Variants in HAUS6 observed in about 807,000 individuals in gnomAD.
HAUS6 encodes the protein HAUS augmin-like complex subunit 6.
In HAUS6, 80 loss-of-function variants were observed where a neutral mutation model predicts 106.8. The observed-to-expected ratio is 0.75, with a 90% CI of 0.63 to 0.90. The LOEUF (loss-of-function observed/expected upper bound fraction) is 0.90, where lower values mean the gene tolerates loss of function less well. Ranked by LOEUF, HAUS6 falls within the 40% of genes least tolerant of loss-of-function variation. The pLI is 0.00. For synonymous variants in HAUS6, 356 were observed against 379.1 expected, an observed-to-expected ratio of 0.94 and a Z score of 0.71; for missense variants, 1,155 against 1,118.1, an observed-to-expected ratio of 1.03 and a Z score of -0.47.
At chr9:19,059,123 C>G (rs1836548200) in intron 15 of HAUS6, 122 bp from the exon 16 acceptor site, 1 of 627,604 alleles carries the variant, frequency 1.6e-6, no homozygotes, top group Non-Finnish European at 2.8e-6. Context: ...CATAAATATA[C>G]TGGTTGGATG....
chr9:19,094,283 A>T (rs191637095), intron 3 of HAUS6, 34 bp downstream of exon 3: 4 of 1,270,032 alleles, frequency 3.1e-6, no homozygotes, highest in Non-Finnish European at 4.5e-6. Flanking sequence ...TTAACTTCTT[A>T]AAGTCTGTAT....
chr9:19,055,139 A>AC lies in HAUS6; in HGVS notation c.*1203dup, dbSNP rs1334627059. On this transcript the variant is annotated 3_prime_UTR_variant, in exon 17 of 17. Coordinates refer to ENST00000380502, the MANE Select transcript of HAUS6 (RefSeq NM_017645.5). ...AAGGCAGCCCAAGATAAAAGAAATA[A>AC]CTATTAAGCCATCTACTTCCATAAA... The AC allele has an allele frequency of 2.0e-5, 3 of 152,212 alleles. No individual in the cohort carries two copies. The highest frequency in any genetic ancestry group is 2.0e-4 in the Admixed American group (3 of 15,284). The allele number at this position is 152,212 out of a possible 1,614,324, so 9.4% of individuals were successfully genotyped here. A position where few individuals can be genotyped will look rare whatever the true frequency, so the allele number is the denominator to read the frequency against.
rs113341977 is a variant in HAUS6 at position 19,089,393 on chromosome 9, C to T, written c.584+19G>A. ...TCAAAAGAAAGAAATTATTTTCTAA[C>T]TATCAAGGTACTACTTACTGTGCAT... On this transcript the variant is annotated intron_variant, in intron 5 of 16. Coordinates refer to ENST00000380502, the MANE Select transcript of HAUS6 (RefSeq NM_017645.5). 9 of 1,513,238 alleles carry T rather than the reference C, an allele frequency of 5.9e-6. No homozygotes were observed. Among genetic ancestry groups the T allele is most frequent in the African/African-American group, 5.5e-5 (4 of 73,050 alleles). 93.7% of individuals were successfully genotyped at this position (1,513,238 alleles called of 1,614,324 possible). A position where few individuals can be genotyped will look rare whatever the true frequency, so the allele number is the denominator to read the frequency against.
chr9:19,096,003 G>C (rs892948015), intron 2 of HAUS6, among the ~76,000 whole-genome samples: 6 of 151,956 alleles, frequency 3.9e-5, no homozygotes, highest in Non-Finnish European at 8.8e-5. Context: ...ACAGAGTACC[G>C]AGCAAAAAAA....
At chr9:19,097,635 T>C (rs567051332) in intron 1 of HAUS6, among the ~76,000 whole-genome samples, 6 of 152,268 alleles carry the variant, frequency 3.9e-5, no homozygotes, top group Admixed American at 2.0e-4. Context: ...AAGCACTGAT[T>C]TGAAATATGT....
At chr9:19,083,473 G>A (rs1040560033) in intron 7 of HAUS6, among the ~76,000 whole-genome samples, 6 of 152,020 alleles carry the variant, frequency 3.9e-5, no homozygotes, top group Middle Eastern at 6.8e-3. Flanking sequence ...GTAATTAATC[G>A]AATGAAGATC....
chr9:19,071,463 T>A (rs1836880012), intron 11 of HAUS6, among the ~76,000 whole-genome samples: 5 of 152,030 alleles, frequency 3.3e-5, no homozygotes, highest in Admixed American at 3.3e-4. Context: ...ACTGAAGATA[T>A]GAGCTTTCAG....
At chr9:19,068,505 A>C (rs560843823) in intron 12 of HAUS6, among the ~76,000 whole-genome samples, 1 of 152,364 alleles carries the variant, frequency 6.6e-6, no homozygotes, top group South Asian at 2.1e-4. Context: ...CTGCAGAACC[A>C]ATTACCAATA....
At chr9:19,068,925 G>C (rs1214410063) in intron 12 of HAUS6, among the ~76,000 whole-genome samples, 1 of 152,042 alleles carries the variant, frequency 6.6e-6, no homozygotes, top group Non-Finnish European at 1.5e-5. Flanking sequence ...GAGGAAGTTA[G>C]AACAAAATCC....
intron 5 of HAUS6, 48 bp downstream of exon 5, chr9:19,089,364 C>G (rs1213406414): frequency 1.7e-6 from 2 of 1,206,142 alleles, no homozygotes; most frequent in South Asian, 2.5e-5. Flanking sequence ...TTGGTGACAT[C>G]TGTTCAAAAG....
intron 12 of HAUS6, among the ~76,000 whole-genome samples, chr9:19,066,573 TC>T (rs200414301): frequency 0.035 from 5,273 of 151,378 alleles, 112 homozygotes; most frequent in Non-Finnish European, 0.051. Context: ...ATCATGGAAC[TC>T]CCCCCCACAC....
At chr9:19,093,495 C>A (rs1211555929) in intron 3 of HAUS6, among the ~76,000 whole-genome samples, 192 bp from the exon 4 acceptor site, 2 of 152,222 alleles carry the variant, frequency 1.3e-5, no homozygotes, top group East Asian at 1.9e-4. Flanking sequence ...ACACATCCAA[C>A]TGTGCAGCAG....
At chr9:19,101,271 A>T (rs2131162771) in intron 1 of HAUS6, among the ~76,000 whole-genome samples, 1 of 152,346 alleles carries the variant, frequency 6.6e-6, no homozygotes. Flanking sequence ...CTGTAATCCC[A>T]GCACTTGGAG....
intron 14 of HAUS6, among the ~76,000 whole-genome samples, chr9:19,062,586 T>G (rs994545513): frequency 2.0e-5 from 3 of 152,218 alleles, no homozygotes; most frequent in African/African-American, 7.2e-5. Context: ...TAGCCTTCTT[T>G]ATCCCATATT....
At chr9:19,077,188 G>A (rs979813532) in intron 10 of HAUS6, among the ~76,000 whole-genome samples, 1 of 152,170 alleles carries the variant, frequency 6.6e-6, no homozygotes, top group Admixed American at 6.5e-5. Context: ...GAGCAAGGGG[G>A]ATTACTTAGT....
At position 19,055,423 on chromosome 9, in the gene HAUS6, T is replaced by C. The variant is rs576425049; in HGVS notation, c.*920A>G. 12 of 152,192 alleles carry C rather than the reference T, an allele frequency of 7.9e-5. No homozygotes were observed. Among genetic ancestry groups the C allele is most frequent in the African/African-American group, 1.4e-4 (6 of 41,432 alleles). The allele number at this position is 152,192 out of a possible 1,614,324, so 9.4% of individuals were successfully genotyped here. On this transcript the variant is annotated 3_prime_UTR_variant, in exon 17 of 17. Coordinates refer to ENST00000380502, the MANE Select transcript of HAUS6 (RefSeq NM_017645.5). The stretch of plus-strand genomic sequence containing the variant: ...AGTTATTTAACCCCAAGTTCAGTTT[T>C]CTCAAGTTACTGTGAGGCTATTCTG...
intron 7 of HAUS6, among the ~76,000 whole-genome samples, chr9:19,085,094 T>C (rs1309715483): frequency 6.6e-6 from 1 of 152,132 alleles, no homozygotes; most frequent in Non-Finnish European, 1.5e-5. Context: ...TAAATATCTC[T>C]GACATGTTGT....
chr9:19,099,291 C>T (rs576740194), intron 1 of HAUS6, among the ~76,000 whole-genome samples: 5 of 151,504 alleles, frequency 3.3e-5, no homozygotes, highest in Non-Finnish European at 7.4e-5. Context: ...CTCAGCCTCC[C>T]GAATAGCTGC....
chr9:19,061,281 G>C (rs1206813404), intron 14 of HAUS6, among the ~76,000 whole-genome samples: 1 of 152,170 alleles, frequency 6.6e-6, no homozygotes, highest in Non-Finnish European at 1.5e-5. Flanking sequence ...AATATCCCCT[G>C]TCATAAACAC....
Sources: gnomAD v4.1 joint callset for allele counts (sites outside exome capture counted in the v4.1 genomes callset) on GRCh38, gnomAD v4.1.1 for gene constraint, MANE v1.5 for transcripts, NCBI Gene and HGNC (gene_info 2026-07-23, HGNC 2026-07-21) for gene names.